Variants in ANKRD44 observed in about 807,000 individuals in gnomAD.
The protein encoded by ANKRD44 is serine/threonine-protein phosphatase 6 regulatory ankyrin repeat subunit B.
In ANKRD44, 35 loss-of-function variants were observed where a neutral mutation model predicts 116.0. That is an observed-to-expected ratio of 0.30 (90% CI 0.23 to 0.40). The LOEUF is 0.40. ANKRD44 is among the 10% of genes least tolerant of loss of function. ANKRD44 has a pLI of 1.00. For synonymous variants in ANKRD44, 435 were observed against 461.8 expected (o/e 0.94, Z 0.74); for missense variants, 1,014 against 1,242.6 (o/e 0.82, Z 2.77).
chr2:196,987,762 C>T lies in ANKRD44; in HGVS notation c.*1829G>A. The T allele has an allele frequency of 2.0e-6, 2 of 985,336 alleles. No individual in the cohort carries two copies. The allele number at this position is 985,336 out of a possible 1,614,324, so 61.0% of individuals were successfully genotyped here. A position where few individuals can be genotyped will look rare whatever the true frequency, so the allele number is the denominator to read the frequency against. ...TAAGTAAGTGCAATGAAACATGATCCTTGTAGTTGTGGTTAAAATACAGTC... is the reference window on the plus strand; with the variant it reads ...TAAGTAAGTGCAATGAAACATGATCTTTGTAGTTGTGGTTAAAATACAGTC... On this transcript the variant is annotated 3_prime_UTR_variant, in exon 28 of 28. Transcript: ENST00000282272.
At chr2:197,190,619 C>T (rs1030152861) in intron 1 of ANKRD44, among the ~76,000 whole-genome samples, 3 of 151,934 alleles carry the variant, frequency 2.0e-5, no homozygotes, top group African/African-American at 7.3e-5. Context: ...TTTTATTTTT[C>T]CCCAGGTAAA....
At chr2:197,191,162 G>A (rs1354560670) in intron 1 of ANKRD44, among the ~76,000 whole-genome samples, 1 of 152,142 alleles carries the variant, frequency 6.6e-6, no homozygotes, top group African/African-American at 2.4e-5. Flanking sequence ...TGCAGATATT[G>A]GTGCAGTGCC....
chr2:197,265,053 TC>T (rs2082706158), intron 1 of ANKRD44, among the ~76,000 whole-genome samples: 1 of 151,972 alleles, frequency 6.6e-6, no homozygotes, highest in Non-Finnish European at 1.5e-5. Flanking sequence ...CCAGTAAACC[TC>T]CCACAGAATT....
chr2:197,148,114 T>G lies in ANKRD44; in HGVS notation c.112-1009A>C, dbSNP rs541546056. On this transcript the variant is annotated intron_variant, in intron 2 of 27. Transcript: ENST00000282272. ...AATAAAATCTACCTTAGAGGACTGATAAGAGGACTAAAGATCATATAAGTA... is the reference window on the plus strand; with the variant it reads ...AATAAAATCTACCTTAGAGGACTGAGAAGAGGACTAAAGATCATATAAGTA... Among the ~76,000 whole-genome samples, 5 of 152,246 alleles carry G rather than the reference T, an allele frequency of 3.3e-5. No individual in the cohort carries two copies. The East Asian group carries it at 9.6e-4, about 29-fold the overall frequency.
At chr2:197,001,025 G>A (rs759408352) in intron 22 of ANKRD44, among the ~76,000 whole-genome samples, 6 of 152,248 alleles carry the variant, frequency 3.9e-5, no homozygotes, top group Admixed American at 6.5e-5. Context: ...GCGACAGAGC[G>A]AGACTCCGTC....
Position 196,988,473 on chromosome 2 carries a change from A to G in ANKRD44, c.*1118T>C. On this transcript the variant is annotated 3_prime_UTR_variant, in exon 28 of 28. Coordinates refer to ENST00000282272, the MANE Select transcript of ANKRD44 (RefSeq NM_001195144.2). ...GGTGTGGAAAATTTTCAGTGAAATC[A>G]ATACCAGTTCAATAAATCCTTTGAA... The G allele has an allele frequency of 4.1e-6, 4 of 985,446 alleles. No homozygotes were observed. The highest frequency in any genetic ancestry group is 4.8e-6 in the Non-Finnish European group (4 of 829,902). 61.0% of individuals were successfully genotyped at this position (985,446 alleles called of 1,614,324 possible).
chr2:196,984,237 T>C (rs553700006), downstream of ANKRD44, among the ~76,000 whole-genome samples: 1 of 152,226 alleles, frequency 6.6e-6, no homozygotes, highest in Admixed American at 6.5e-5. Flanking sequence ...CTGGGTTGAG[T>C]GGCACATTTG....
chr2:197,254,046 C>T (rs2082382208), intron 1 of ANKRD44, among the ~76,000 whole-genome samples: 1 of 152,320 alleles, frequency 6.6e-6, no homozygotes, highest in East Asian at 1.9e-4. Flanking sequence ...TCTGGCCTCA[C>T]GTAACTAAAA....
At position 197,310,678 on chromosome 2, in the gene ANKRD44, GA is replaced by G; in HGVS notation, c.-75del. 1.6e-6 allele frequency: 2 copies of G among 1,286,988 alleles called. No individual in the cohort carries two copies. Among genetic ancestry groups the G allele is most frequent in the South Asian group, 1.5e-5 (1 of 65,406 alleles). 79.7% of individuals were successfully genotyped at this position (1,286,988 alleles called of 1,614,324 possible). A position where few individuals can be genotyped will look rare whatever the true frequency, so the allele number is the denominator to read the frequency against. On this transcript the variant is annotated 5_prime_UTR_variant, in exon 1 of 28. Coordinates refer to ENST00000282272, the MANE Select transcript of ANKRD44 (RefSeq NM_001195144.2). ...TGTCACGCCGGGAGCCGGGGAAGCG[GA>G]AGGGATTGCCAGGAGAAGGGAAAAA... is the stretch of plus-strand genomic sequence containing the variant.
chr2:197,156,394 A>G (rs939530973), intron 2 of ANKRD44, among the ~76,000 whole-genome samples: 4 of 152,226 alleles, frequency 2.6e-5, no homozygotes, highest in Non-Finnish European at 5.9e-5. Flanking sequence ...GAGAAAGGCA[A>G]ATTAAAGCCA....
chr2:197,037,976 T>G (rs2076838275), intron 16 of ANKRD44, among the ~76,000 whole-genome samples: 1 of 152,146 alleles, frequency 6.6e-6, no homozygotes, highest in African/African-American at 2.4e-5. Context: ...TTGCTACATT[T>G]TAAAAACCAG....
intron 4 of ANKRD44, chr2:197,135,314 T>C (rs1358128924): frequency 6.6e-6 from 1 of 152,178 alleles, no homozygotes; most frequent in African/African-American, 2.4e-5. Flanking sequence ...CTGCATTTGG[T>C]AAATTCAGCT....
At chr2:197,088,298 AC>A (rs950787489) in intron 12 of ANKRD44, among the ~76,000 whole-genome samples, 2 of 152,252 alleles carry the variant, frequency 1.3e-5, no homozygotes, top group Admixed American at 1.3e-4. Flanking sequence ...TGAAACAAGG[AC>A]AAAAATGTCT....
At chr2:197,298,931 AAG>A (rs949772141) in intron 1 of ANKRD44, among the ~76,000 whole-genome samples, 2 of 152,098 alleles carry the variant, frequency 1.3e-5, no homozygotes, top group Admixed American at 6.5e-5. Flanking sequence ...AAAAAAAAGA[AAG>A]AGAGAGAAAA....
At chr2:196,969,283 A>G (rs1305997318) in intron 21 of ANKRD44, among the ~76,000 whole-genome samples, 2 of 152,162 alleles carry the variant, frequency 1.3e-5, no homozygotes, top group Non-Finnish European at 2.9e-5. Context: ...TTGATTACCG[A>G]GAGGTTCTCA....
At chr2:197,125,340 A>G (rs1415120418) in intron 6 of ANKRD44, 41 bp downstream of exon 6, 4 of 1,554,060 alleles carry the variant, frequency 2.6e-6, no homozygotes, top group Non-Finnish European at 3.6e-6. Flanking sequence ...TTATTTAGTT[A>G]AGGTTATCTG....
intron 21 of ANKRD44, among the ~76,000 whole-genome samples, chr2:197,002,198 T>C (rs1189748737): frequency 6.6e-6 from 1 of 152,214 alleles, no homozygotes; most frequent in Non-Finnish European, 1.5e-5. Flanking sequence ...AATGTACCTT[T>C]CACCCATACA....
intron 16 of ANKRD44, among the ~76,000 whole-genome samples, chr2:197,033,832 C>T (rs2076755125): frequency 6.6e-6 from 1 of 152,024 alleles, no homozygotes; most frequent in Admixed American, 6.6e-5. Flanking sequence ...AGTCCCCTTC[C>T]TTTAGTGATT....
In ANKRD44 at chr2:197,007,851, G is replaced by A. The variant is rs1409299157; in HGVS notation, c.2085C>T (p.Asn695=). ...AVSLLLEKEA[N]VDTVDILGCT... ...ATCCTAGGATGTCAACAGTGTCTAC[G>A]TTGGCTTCCTTTTCAAGTAACAATG... Residue 695 remains asparagine (N), a synonymous_variant, in exon 20 of 28, where the codon AAC becomes AAT. Transcript: ENST00000282272. 5.6e-6 allele frequency: 9 copies of A among 1,613,860 alleles called. No individual in the cohort carries two copies. The African/African-American group carries it at 6.7e-5, about 12-fold the overall frequency.
Sources: gnomAD v4.1 joint callset for allele counts (sites outside exome capture counted in the v4.1 genomes callset) on GRCh38, gnomAD v4.1.1 for gene constraint, MANE v1.5 for transcripts, NCBI Gene and HGNC (gene_info 2026-07-23, HGNC 2026-07-21) for gene names.